LRRIQ1: variants seen among roughly 807,000 people sequenced by gnomAD.
LRRIQ1 encodes the protein leucine-rich repeat- and IQ domain-containing protein 1.
A neutral mutation model predicts 211.9 loss-of-function variants in LRRIQ1; 210 were observed. The observed-to-expected ratio is 0.99, with a 90% CI of 0.89 to 1.11. The LOEUF (loss-of-function observed/expected upper bound fraction) is 1.11, where lower values mean the gene tolerates loss of function less well. Among genes scored for constraint, LRRIQ1 ranks in the 50% most tolerant of loss-of-function variants. The pLI is 0.00. For missense variants in LRRIQ1, 2,136 were observed against 1,939.5 expected (o/e 1.10, Z -1.90); for synonymous variants, 699 against 650.1 (o/e 1.08, Z -1.14).
At chr12:85,052,464 T>C (rs908192177) in intron 7 of LRRIQ1, among the ~76,000 whole-genome samples, 4 of 152,066 alleles carry the variant, frequency 2.6e-5, no homozygotes, top group Middle Eastern at 3.2e-3. Context: ...GTTGTCCGTA[T>C]AAAATTGTAA....
chr12:85,144,124 A>G (rs1253594093), intron 19 of LRRIQ1, among the ~76,000 whole-genome samples: 3 of 151,378 alleles, frequency 2.0e-5, no homozygotes, highest in Admixed American at 1.3e-4. Flanking sequence ...GTCCATGTGT[A>G]CTCATTGTTT....
chr12:85,127,808 TG>T (rs1888472250), intron 17 of LRRIQ1, 23 bp from the exon 18 acceptor site: 1 of 1,575,558 alleles, frequency 6.3e-7, no homozygotes. Flanking sequence ...AAAAAGTGTG[TG>T]TTTTTTTTTC....
chr12:85,240,635 G>A (rs1895417141), intron 26 of LRRIQ1, among the ~76,000 whole-genome samples: 1 of 151,792 alleles, frequency 6.6e-6, no homozygotes, highest in South Asian at 2.1e-4. Flanking sequence ...AAGAAATGAT[G>A]GTACATACAT....
intron 1 of LRRIQ1, among the ~76,000 whole-genome samples, chr12:85,256,761 G>A (rs9651975): frequency 0.23 from 34,623 of 150,726 alleles, 10,214 homozygotes; most frequent in African/African-American, 0.69. Flanking sequence ...GAAAATTAAC[G>A]GGAAAGTTCC....
chr12:85,050,908 G>C (rs543127874), intron 6 of LRRIQ1, among the ~76,000 whole-genome samples: 2 of 152,226 alleles, frequency 1.3e-5, no homozygotes, highest in East Asian at 3.9e-4. Flanking sequence ...CTTTGCATTT[G>C]TTCTCACTCT....
At chr12:85,080,179 A>C in intron 11 of LRRIQ1, among the ~76,000 whole-genome samples, 1 of 152,000 alleles carries the variant, frequency 6.6e-6, no homozygotes, top group African/African-American at 2.4e-5. Context: ...ATTGTATTCT[A>C]GCTTTCCTGG....
chr12:85,049,107 A>G (rs934710385), intron 6 of LRRIQ1, among the ~76,000 whole-genome samples: 1 of 152,210 alleles, frequency 6.6e-6, no homozygotes, highest in Non-Finnish European at 1.5e-5. Flanking sequence ...GTCCTTCATT[A>G]TGCCTTGGAG....
At chr12:85,217,508 A>ATATGTG (rs1216212048) in intron 24 of LRRIQ1, among the ~76,000 whole-genome samples, 9 of 64,254 alleles carry the variant, frequency 1.4e-4, no homozygotes, top group African/African-American at 4.7e-4. Flanking sequence ...ATATATATAT[A>ATATGTG]TGTGTGTGTG....
chr12:85,094,922 A>G (rs192526600), intron 11 of LRRIQ1, among the ~76,000 whole-genome samples: 5 of 152,128 alleles, frequency 3.3e-5, no homozygotes, highest in East Asian at 1.9e-4. Flanking sequence ...CTCAGCTTCA[A>G]TATTACTGGT....
intron 3 of LRRIQ1, among the ~76,000 whole-genome samples, chr12:85,041,185 C>T (rs1307578408): frequency 1.3e-5 from 2 of 151,508 alleles, no homozygotes; most frequent in African/African-American, 2.4e-5. Context: ...ATGTTAAAAG[C>T]TATTTTAAAA....
At chr12:85,185,118 T>C (rs904424979) in intron 24 of LRRIQ1, among the ~76,000 whole-genome samples, 4 of 151,954 alleles carry the variant, frequency 2.6e-5, no homozygotes, top group African/African-American at 7.2e-5. Flanking sequence ...TCTCAGATAC[T>C]GTTTTAGAAT....
intron 24 of LRRIQ1, among the ~76,000 whole-genome samples, chr12:85,199,335 G>GC (rs1336437645): frequency 6.6e-6 from 1 of 152,118 alleles, no homozygotes; most frequent in Admixed American, 6.6e-5. Context: ...CATATAGGCA[G>GC]CCCGTTATTC....
downstream of LRRIQ1, among the ~76,000 whole-genome samples, chr12:85,269,142 C>T (rs1293992133): frequency 6.6e-6 from 1 of 151,854 alleles, no homozygotes; most frequent in Non-Finnish European, 1.5e-5. Context: ...TTGGACAGAA[C>T]TGAGATAGTT....
chr12:85,178,660 C>G (rs934447420), intron 24 of LRRIQ1, among the ~76,000 whole-genome samples: 2 of 151,932 alleles, frequency 1.3e-5, no homozygotes, highest in African/African-American at 2.4e-5. Context: ...CTTACATCTT[C>G]GCTTCCATTC....
chr12:85,089,596 T>G (rs1165875613), intron 11 of LRRIQ1, among the ~76,000 whole-genome samples: 1 of 152,198 alleles, frequency 6.6e-6, no homozygotes, highest in African/African-American at 2.4e-5. Context: ...CATACCCTAG[T>G]GATTGTTGGG....
intron 8 of LRRIQ1, among the ~76,000 whole-genome samples, chr12:85,060,410 A>G (rs1004503605): frequency 4.6e-5 from 7 of 151,934 alleles, no homozygotes; most frequent in Admixed American, 1.3e-4. Flanking sequence ...GCATTTTGCT[A>G]CTAATGGTAA....
chr12:85,236,837 A>ATATATATATATATATC (rs1895202792), intron 26 of LRRIQ1, among the ~76,000 whole-genome samples: 1 of 140,816 alleles, frequency 7.1e-6, no homozygotes, highest in Admixed American at 7.0e-5. Context: ...GTGCATATAT[A>ATATATATATATATATC]TATATATATA....
At chr12:85,246,521 A>ATGT (rs1052136418), downstream of LRRIQ1, among the ~76,000 whole-genome samples, 2 of 151,500 alleles carry the variant, frequency 1.3e-5, no homozygotes, top group Non-Finnish European at 3.0e-5. Context: ...TATTACCTGA[A>ATGT]TGTTAGCACA....
chr12:85,073,502 A>G (rs1219385281), intron 11 of LRRIQ1, among the ~76,000 whole-genome samples: 1 of 152,100 alleles, frequency 6.6e-6, no homozygotes, highest in Non-Finnish European at 1.5e-5. Context: ...TTAAAAAGAA[A>G]AGAAAGGCTG....
Sources: allele counts gnomAD v4.1 joint callset (sites outside exome capture counted in the v4.1 genomes callset), GRCh38; gene constraint gnomAD v4.1.1; transcripts MANE v1.5; gene names NCBI Gene and HGNC (gene_info 2026-07-23, HGNC 2026-07-21).